FBXL17: variants seen among roughly 807,000 people sequenced by gnomAD.
FBXL17 encodes F-box/LRR-repeat protein 17.
Under a neutral mutation model 66.2 loss-of-function variants are expected in FBXL17, and 22 were observed. The observed-to-expected ratio is 0.33, with a 90% CI of 0.24 to 0.47. The LOEUF is 0.47. FBXL17 is among the 20% of genes least tolerant of loss of function. The probability of loss-of-function intolerance (pLI) is 1.00; values close to 1 mark genes in which losing one functional copy is unlikely to be tolerated. For missense variants in FBXL17, 878 were observed against 948.2 expected (o/e 0.93, Z 0.97); for synonymous variants, 474 against 400.5 (o/e 1.18, Z -2.19).
chr5:107,875,225 A>C (rs1748584232), intron 8 of FBXL17, among the ~76,000 whole-genome samples: 1 of 152,094 alleles, frequency 6.6e-6, no homozygotes, highest in Admixed American at 6.5e-5. Flanking sequence ...GAGTCCCTGC[A>C]GGTATATGCT....
chr5:107,921,805 C>G (rs945962419), intron 7 of FBXL17, among the ~76,000 whole-genome samples: 1 of 152,198 alleles, frequency 6.6e-6, no homozygotes, highest in Non-Finnish European at 1.5e-5. Flanking sequence ...TAACCCAAAC[C>G]TGGTTTGACC....
intron 7 of FBXL17, among the ~76,000 whole-genome samples, chr5:107,979,739 T>C (rs992520318): frequency 5.3e-5 from 8 of 152,346 alleles, no homozygotes; most frequent in Middle Eastern, 3.4e-3. Flanking sequence ...AGGACTTTTA[T>C]TGTTTATTTG....
intron 4 of FBXL17, among the ~76,000 whole-genome samples, chr5:108,294,133 G>T: frequency 6.9e-6 from 1 of 144,936 alleles, no homozygotes. Flanking sequence ...TAAAAAAACT[G>T]ATTGTCAAAT....
At chr5:107,877,832 C>T (rs1352052036) in intron 8 of FBXL17, among the ~76,000 whole-genome samples, 1 of 151,996 alleles carries the variant, frequency 6.6e-6, no homozygotes, top group African/African-American at 2.4e-5. Context: ...AGTGACAGGG[C>T]CAAATTAATT....
chr5:108,358,440 T>G (rs1026065074), intron 3 of FBXL17, among the ~76,000 whole-genome samples: 1 of 152,140 alleles, frequency 6.6e-6, no homozygotes. Flanking sequence ...CCAATTAAGA[T>G]GACTGGTTTT....
chr5:108,257,793 T>C lies in FBXL17; in HGVS notation c.1507-33565A>G, dbSNP rs569789534. On this transcript the variant is annotated intron_variant, in intron 4 of 8. Transcript: ENST00000542267. Reference sequence around the variant, plus strand: ...AAATGGGCAAAATGATCTTAAATTGTTCACATACATATTGTATTATAATTT... The same window carrying C: ...AAATGGGCAAAATGATCTTAAATTGCTCACATACATATTGTATTATAATTT... Among the ~76,000 whole-genome samples, 26 of 152,268 alleles carry C rather than the reference T, an allele frequency of 1.7e-4. No homozygotes were observed. The South Asian group carries it at 4.8e-3, about 28-fold the overall frequency.
At chr5:108,223,337 T>C (rs1754955272) in intron 5 of FBXL17, among the ~76,000 whole-genome samples, 1 of 152,224 alleles carries the variant, frequency 6.6e-6, no homozygotes, top group African/African-American at 2.4e-5. Flanking sequence ...AGCAACTTTC[T>C]AATAGTTGTG....
At chr5:107,905,068 T>A (rs528534488) in intron 7 of FBXL17, among the ~76,000 whole-genome samples, 54 of 152,052 alleles carry the variant, frequency 3.6e-4, no homozygotes, top group Admixed American at 2.4e-3. Context: ...TATATATATA[T>A]ATATATGGAT....
chr5:108,314,911 T>G (rs1759290841), intron 4 of FBXL17, among the ~76,000 whole-genome samples: 1 of 151,314 alleles, frequency 6.6e-6, no homozygotes, highest in Non-Finnish European at 1.5e-5. Flanking sequence ...TTATGTCTGT[T>G]GTATTATTAA....
chr5:108,178,564 T>C (rs889051746), intron 6 of FBXL17, among the ~76,000 whole-genome samples: 3 of 152,220 alleles, frequency 2.0e-5, no homozygotes, highest in Non-Finnish European at 4.4e-5. Context: ...TCATTATTCT[T>C]TTTGCAAAAA....
intron 7 of FBXL17, among the ~76,000 whole-genome samples, chr5:108,000,357 G>A (rs577452359): frequency 6.6e-6 from 1 of 152,290 alleles, no homozygotes; most frequent in South Asian, 2.1e-4. Context: ...AAAGTATGCA[G>A]GGAGAAGATG....
chr5:108,328,259 C>G (rs1316591734), intron 4 of FBXL17, among the ~76,000 whole-genome samples: 23 of 152,016 alleles, frequency 1.5e-4, no homozygotes, highest in Admixed American at 1.5e-3. Flanking sequence ...ATTCTTATCT[C>G]TGACTCCAGG....
At position 108,381,922 on chromosome 5, in the gene FBXL17, C is replaced by G; in HGVS notation, c.-231G>C. The G allele has an allele frequency of 8.0e-7, 1 of 1,255,446 alleles. No homozygotes were observed. The highest frequency in any genetic ancestry group is 1.0e-6 in the Non-Finnish European group (1 of 999,780). 77.8% of individuals were successfully genotyped at this position (1,255,446 alleles called of 1,614,324 possible). ...GCTTTGCCCAGGGAAGCCGGGAGAA[C>G]GATGGGCGCGAGCTTTGGGGACGCG... is the stretch of plus-strand genomic sequence containing the variant. On this transcript the variant is annotated 5_prime_UTR_variant, in exon 1 of 9. Coordinates refer to ENST00000542267, the MANE Select transcript of FBXL17 (RefSeq NM_001163315.3).
intron 4 of FBXL17, among the ~76,000 whole-genome samples, chr5:108,276,107 G>A (rs1757471817): frequency 6.6e-6 from 1 of 152,150 alleles, no homozygotes. Context: ...CTAACTCCAA[G>A]TACGAAACAA....
chr5:107,995,098 T>C (rs1001505333), intron 7 of FBXL17, among the ~76,000 whole-genome samples: 1 of 152,192 alleles, frequency 6.6e-6, no homozygotes, highest in Non-Finnish European at 1.5e-5. Context: ...TGCGTACTTA[T>C]GATAGGTGTG....
At chr5:107,905,889 G>A (rs2112539190) in intron 7 of FBXL17, among the ~76,000 whole-genome samples, 1 of 152,244 alleles carries the variant, frequency 6.6e-6, no homozygotes, top group East Asian at 1.9e-4. Flanking sequence ...GGTAATTTGT[G>A]TGTCTACCTT....
At chr5:107,968,720 G>A (rs930271831) in intron 7 of FBXL17, among the ~76,000 whole-genome samples, 23 of 152,140 alleles carry the variant, frequency 1.5e-4, no homozygotes, top group African/African-American at 5.6e-4. Flanking sequence ...TAAGCACTGA[G>A]AAGGAATGCC....
intron 6 of FBXL17, among the ~76,000 whole-genome samples, chr5:108,164,529 G>T (rs1008246765): frequency 2.6e-5 from 4 of 152,014 alleles, no homozygotes; most frequent in Non-Finnish European, 5.9e-5. Flanking sequence ...TGGTGGTAAT[G>T]TCTCAAATTT....
chr5:108,335,313 T>G (rs1760328177), intron 4 of FBXL17, among the ~76,000 whole-genome samples: 1 of 141,498 alleles, frequency 7.1e-6, no homozygotes, highest in African/African-American at 2.6e-5. Flanking sequence ...TAGAGGATAG[T>G]ATGACTTTTA....
Sources: allele counts gnomAD v4.1 joint callset (sites outside exome capture counted in the v4.1 genomes callset), GRCh38; gene constraint gnomAD v4.1.1; transcripts MANE v1.5; gene names NCBI Gene and HGNC (gene_info 2026-07-23, HGNC 2026-07-21).